Variants in CHST15 observed in about 807,000 individuals in gnomAD.
The protein encoded by CHST15 is B cell RAG associated protein (GALNAC4S-6ST).
In CHST15, 30 loss-of-function variants were observed where a neutral mutation model predicts 53.6. The observed-to-expected ratio is 0.56, with a 90% CI of 0.42 to 0.76. The LOEUF (loss-of-function observed/expected upper bound fraction) is 0.76, where lower values mean the gene tolerates loss of function less well. Ranked by LOEUF, CHST15 falls within the 30% of genes least tolerant of loss-of-function variation. The probability of loss-of-function intolerance (pLI) is 0.00; values close to 1 mark genes in which losing one functional copy is unlikely to be tolerated. For synonymous variants in CHST15, 296 were observed against 289.8 expected (o/e 1.02, Z -0.22); for missense variants, 627 against 740.5 (o/e 0.85, Z 1.78).
Position 124,007,796 on chromosome 10 carries a change from G to A in CHST15, c.*2353C>T. 3 of 1,231,954 alleles carry A rather than the reference G, an allele frequency of 2.4e-6. No homozygotes were observed. The highest frequency in any genetic ancestry group is 3.0e-6 in the Non-Finnish European group (3 of 987,944). The allele number at this position is 1,231,954 out of a possible 1,614,324, so 76.3% of individuals were successfully genotyped here. A position where few individuals can be genotyped will look rare whatever the true frequency, so the allele number is the denominator to read the frequency against. Reference sequence around the variant, plus strand: ...TAACATACCTTACAGGACTAAGGGAGTACAATTTAACACGGTCACAACTTT... The same window carrying A: ...TAACATACCTTACAGGACTAAGGGAATACAATTTAACACGGTCACAACTTT... On this transcript the variant is annotated 3_prime_UTR_variant, in exon 8 of 8. Transcript: ENST00000435907.
chr10:124,034,044 G>A (rs537480367), intron 5 of CHST15, among the ~76,000 whole-genome samples: 9 of 152,320 alleles, frequency 5.9e-5, no homozygotes, highest in East Asian at 1.9e-4. Flanking sequence ...ACCAGGACAT[G>A]AGCCATGACG....
At chr10:124,033,331 A>G (rs1472440723) in intron 5 of CHST15, among the ~76,000 whole-genome samples, 3 of 152,188 alleles carry the variant, frequency 2.0e-5, no homozygotes, top group Non-Finnish European at 4.4e-5. Flanking sequence ...GCACATAAAC[A>G]CACTTCCTCT....
intron 3 of CHST15, among the ~76,000 whole-genome samples, 169 bp downstream of exon 3, chr10:124,044,411 A>G (rs2133996963): frequency 6.6e-6 from 1 of 152,340 alleles, no homozygotes; most frequent in Non-Finnish European, 1.5e-5. Context: ...ATGGCTGGGA[A>G]CCGAGTTCCA....
intron 4 of CHST15, among the ~76,000 whole-genome samples, chr10:124,041,648 G>GTA (rs1260979882): frequency 1.3e-5 from 2 of 152,052 alleles, no homozygotes; most frequent in Non-Finnish European, 2.9e-5. Context: ...AAACATCACA[G>GTA]TATGCTGTAC....
At chr10:124,093,195 G>T (rs1178297867) in intron 1 of CHST15, among the ~76,000 whole-genome samples, 1 of 152,140 alleles carries the variant, frequency 6.6e-6, no homozygotes, top group Non-Finnish European at 1.5e-5. Context: ...GGAGCCCGGG[G>T]CCCAAACCTG....
intron 1 of CHST15, among the ~76,000 whole-genome samples, chr10:124,076,695 A>G (rs1384390325): frequency 6.7e-6 from 1 of 149,018 alleles, no homozygotes; most frequent in African/African-American, 2.5e-5. Flanking sequence ...TGCTTTCCCT[A>G]TTTTTAAATT....
Position 124,008,004 on chromosome 10 carries a change from G to C in CHST15, c.*2145C>G. Reference sequence around the variant, plus strand: ...CTCTGGAGAGAAAGGCCCCTGGAGGGAAAAACCATGTCTGGATGGCATTGA... The same window carrying C: ...CTCTGGAGAGAAAGGCCCCTGGAGGCAAAAACCATGTCTGGATGGCATTGA... On this transcript the variant is annotated 3_prime_UTR_variant, in exon 8 of 8. Transcript: ENST00000435907. The C allele has an allele frequency of 8.1e-7, 1 of 1,232,040 alleles. No individual in the cohort carries two copies. Among genetic ancestry groups the C allele is most frequent in the East Asian group, 3.2e-5 (1 of 31,702 alleles). 76.3% of individuals were successfully genotyped at this position (1,232,040 alleles called of 1,614,324 possible). A position where few individuals can be genotyped will look rare whatever the true frequency, so the allele number is the denominator to read the frequency against.
At chr10:124,044,493 G>A in intron 3 of CHST15, 87 bp downstream of exon 3, 1 of 1,124,646 alleles carries the variant, frequency 8.9e-7, no homozygotes, top group Non-Finnish European at 1.2e-6. Context: ...TGCCGCCCTC[G>A]CCCCCCAACC....
At chr10:124,029,006 C>T (rs1947117997) in intron 5 of CHST15, among the ~76,000 whole-genome samples, 1 of 152,182 alleles carries the variant, frequency 6.6e-6, no homozygotes, top group African/African-American at 2.4e-5. Flanking sequence ...CTCCAATTCA[C>T]CCTCAACAAC....
At chr10:124,076,421 A>T (rs760895773) in intron 1 of CHST15, among the ~76,000 whole-genome samples, 4 of 152,222 alleles carry the variant, frequency 2.6e-5, no homozygotes, top group Non-Finnish European at 5.9e-5. Flanking sequence ...TGATGGCTCC[A>T]TGAGTTAGTT....
rs566348882 is a variant in CHST15, at chr10:124,010,892, G to T, written c.1496-553C>A. 1.4e-5 allele frequency: 14 copies of T among 985,450 alleles called. No homozygotes were observed. The African/African-American group carries it at 2.3e-4, about 16-fold the overall frequency. The allele number at this position is 985,450 out of a possible 1,614,324, so 61.0% of individuals were successfully genotyped here. ...CCACTTGTGCCCAGAGCCCCCACTGGCTGAACCTCCATCTGCAGCAAGGAG... is the reference window on the plus strand; with the variant it reads ...CCACTTGTGCCCAGAGCCCCCACTGTCTGAACCTCCATCTGCAGCAAGGAG... On this transcript the variant is annotated intron_variant, in intron 7 of 7. Transcript: ENST00000435907.
At position 124,009,359 on chromosome 10, in the gene CHST15, G is replaced by A; in HGVS notation, c.*790C>T. 1 of 1,018,898 alleles carries A rather than the reference G, an allele frequency of 9.8e-7. No homozygotes were observed. Among genetic ancestry groups the A allele is most frequent in the South Asian group, 3.7e-5 (1 of 27,314 alleles). 63.1% of individuals were successfully genotyped at this position (1,018,898 alleles called of 1,614,324 possible). Reference sequence around the variant, plus strand: ...AGCCAGGACTGGTTAAATGCAGAAAGTGGTTTTGTTTTAAACGCATTCATT... The same window carrying A: ...AGCCAGGACTGGTTAAATGCAGAAAATGGTTTTGTTTTAAACGCATTCATT... On this transcript the variant is annotated 3_prime_UTR_variant, in exon 8 of 8. Coordinates refer to ENST00000435907, the MANE Select transcript of CHST15 (RefSeq NM_001270764.2).
chr10:124,071,347 G>A (rs1057327778), intron 1 of CHST15, among the ~76,000 whole-genome samples: 1 of 152,234 alleles, frequency 6.6e-6, no homozygotes, highest in Admixed American at 6.5e-5. Flanking sequence ...ATAGGGCCAG[G>A]TGTGCCATCA....
intron 1 of CHST15, among the ~76,000 whole-genome samples, chr10:124,076,243 G>A (rs1341212240): frequency 1.3e-5 from 2 of 152,228 alleles, no homozygotes; most frequent in African/African-American, 4.8e-5. Flanking sequence ...GATGGGTTTT[G>A]TATTCAGGTT....
chr10:124,023,579 T>G (rs1487870538), intron 5 of CHST15, among the ~76,000 whole-genome samples: 1 of 152,030 alleles, frequency 6.6e-6, no homozygotes, highest in Non-Finnish European at 1.5e-5. Flanking sequence ...CTTGCAGCCC[T>G]TTTTGTCTGT....
intron 1 of CHST15, among the ~76,000 whole-genome samples, chr10:124,065,109 C>T (rs1002771434): frequency 4.6e-5 from 7 of 152,152 alleles, no homozygotes; most frequent in Admixed American, 2.6e-4. Flanking sequence ...TTGGGCTGAG[C>T]GCGGTGGCTC....
At chr10:124,044,529 G>T in intron 3 of CHST15, 51 bp downstream of exon 3, 2 of 1,397,756 alleles carry the variant, frequency 1.4e-6, no homozygotes, top group South Asian at 3.0e-5. Context: ...CGGGAGGAAT[G>T]AACGAATGAA....
intron 4 of CHST15, among the ~76,000 whole-genome samples, chr10:124,040,200 C>A (rs1381453778): frequency 1.3e-5 from 2 of 152,174 alleles, no homozygotes; most frequent in African/African-American, 4.8e-5. Context: ...GGCGTTTGTC[C>A]ATCCACCTGA....
intron 2 of CHST15, 100 bp downstream of exon 2, chr10:124,045,567 T>C (rs1021062871): frequency 8.5e-7 from 1 of 1,175,748 alleles, no homozygotes; most frequent in Non-Finnish European, 1.2e-6. Context: ...AGACATTTTT[T>C]AGTCATTTTC....
Sources: allele counts gnomAD v4.1 joint callset (sites outside exome capture counted in the v4.1 genomes callset), GRCh38; gene constraint gnomAD v4.1.1; transcripts MANE v1.5; gene names NCBI Gene and HGNC (gene_info 2026-07-23, HGNC 2026-07-21).